The following NTM variants were observed in gnomAD, a reference collection of about 807,000 sequenced individuals.
NTM encodes the protein IgLON family member 2.
A neutral mutation model predicts 42.1 loss-of-function variants in NTM; 13 were observed. That is an observed-to-expected ratio of 0.31 (90% CI 0.20 to 0.49). NTM has a LOEUF of 0.49. NTM is among the 20% of genes least tolerant of loss of function. The pLI, the probability that NTM is intolerant of heterozygous loss-of-function variation, is 0.99. For synonymous variants in NTM, 187 were observed against 179.2 expected, an observed-to-expected ratio of 1.04 and a Z score of -0.35; for missense variants, 373 against 452.8, an observed-to-expected ratio of 0.82 and a Z score of 1.60.
chr11:131,911,114 C>T, intron 1 of NTM: 2 of 1,212,312 alleles, frequency 1.6e-6, no homozygotes, highest in Non-Finnish European at 2.1e-6. Flanking sequence ...GCTTACTCCT[C>T]TCCAAAGTGC....
intron 1 of NTM, among the ~76,000 whole-genome samples, chr11:131,704,091 G>C: frequency 6.6e-6 from 1 of 152,142 alleles, no homozygotes; most frequent in Non-Finnish European, 1.5e-5. Context: ...TTCCAAGCTG[G>C]TCTATATTGA....
At chr11:131,515,241 A>G (rs2048747258) in intron 1 of NTM, among the ~76,000 whole-genome samples, 1 of 151,938 alleles carries the variant, frequency 6.6e-6, no homozygotes, top group Non-Finnish European at 1.5e-5. Flanking sequence ...CTGGATTTGT[A>G]CCAAGAATCA....
At chr11:132,164,971 C>T (rs949314691) in intron 3 of NTM, among the ~76,000 whole-genome samples, 23 of 152,102 alleles carry the variant, frequency 1.5e-4, no homozygotes, top group Admixed American at 3.3e-4. Flanking sequence ...TCTGTCTAGA[C>T]GGCTGTTTTA....
At chr11:131,521,381 G>A (rs2049660455) in intron 1 of NTM, among the ~76,000 whole-genome samples, 1 of 103,386 alleles carries the variant, frequency 9.7e-6, no homozygotes, top group African/African-American at 3.5e-5. Flanking sequence ...CAAGGTGCCA[G>A]TCTTTTTTTT....
intron 1 of NTM, among the ~76,000 whole-genome samples, chr11:131,845,535 GC>G (rs1462342475): frequency 6.6e-6 from 1 of 151,882 alleles, no homozygotes; most frequent in African/African-American, 2.4e-5. Context: ...TAACCAGAGA[GC>G]CGGGGGAACA....
intron 1 of NTM, among the ~76,000 whole-genome samples, chr11:131,802,502 C>T (rs560948337): frequency 1.3e-5 from 2 of 152,344 alleles, no homozygotes; most frequent in South Asian, 4.1e-4. Flanking sequence ...GAGCAGCACC[C>T]TCTGTGGGAG....
intron 1 of NTM, among the ~76,000 whole-genome samples, chr11:131,554,961 CA>C (rs1279294220): frequency 6.6e-6 from 1 of 152,104 alleles, no homozygotes; most frequent in Non-Finnish European, 1.5e-5. Flanking sequence ...ATAAGCAAAA[CA>C]AAAGACCTTA....
intron 1 of NTM, among the ~76,000 whole-genome samples, chr11:131,399,338 T>C (rs1591559207): frequency 6.6e-6 from 1 of 152,180 alleles, no homozygotes; most frequent in South Asian, 2.1e-4. Flanking sequence ...GCTGGAATAG[T>C]CCTGCAGTGA....
chr11:132,265,688 T>C (rs749854386), intron 4 of NTM, among the ~76,000 whole-genome samples: 2 of 152,218 alleles, frequency 1.3e-5, no homozygotes, highest in Non-Finnish European at 2.9e-5. Flanking sequence ...ATGATCATTG[T>C]GATGGTGATG....
rs2060055162 is a variant in NTM at position 131,598,705 on chromosome 11, TTCTTTC to T, written c.82+227819_82+227824del. Reference sequence around the variant, plus strand: ...TTGTTTTCTTTCTTTCTTTCTTTCTTTCTTTCTTTCTTTCTTTCTTTCTTTCTTTCT... The same window carrying T: ...TTGTTTTCTTTCTTTCTTTCTTTCTTTTTCTTTCTTTCTTTCTTTCTTTCT... On this transcript the variant is annotated intron_variant, in intron 1 of 8. Coordinates refer to ENST00000683400, the MANE Select transcript of NTM (RefSeq NM_001352005.2). 4.8e-5 allele frequency among the ~76,000 whole-genome samples: 2 copies of T among 41,868 alleles called. 1 individual carries two copies. Among genetic ancestry groups the T allele is most frequent in the Non-Finnish European group, 1.4e-4 (2 of 14,196 alleles). The allele number at this position is 41,868 out of a possible 152,430, so 27.5% of individuals were successfully genotyped here. A position where few individuals can be genotyped will look rare whatever the true frequency, so the allele number is the denominator to read the frequency against.
intron 8 of NTM, chr11:132,332,901 T>G (rs2095827026): frequency 6.6e-6 from 1 of 152,254 alleles, no homozygotes; most frequent in Non-Finnish European, 1.5e-5. Context: ...GAAGCGGCAC[T>G]TGTTTTCCAT....
intron 2 of NTM, among the ~76,000 whole-genome samples, chr11:132,032,664 G>A (rs1170481104): frequency 6.6e-6 from 1 of 152,004 alleles, no homozygotes; most frequent in Non-Finnish European, 1.5e-5. Flanking sequence ...GTCTTATAAT[G>A]CTCTAGAGTG....
chr11:131,470,518 T>C (rs1289296852), intron 1 of NTM, among the ~76,000 whole-genome samples: 1 of 152,232 alleles, frequency 6.6e-6, no homozygotes, highest in Non-Finnish European at 1.5e-5. Flanking sequence ...ACGTTGCTAC[T>C]GTCTTGAAGG....
intron 2 of NTM, among the ~76,000 whole-genome samples, chr11:132,046,503 A>G (rs530421925): frequency 6.6e-6 from 1 of 152,322 alleles, no homozygotes; most frequent in African/African-American, 2.4e-5. Context: ...TAAGCCTTTC[A>G]TATGACCTAA....
At chr11:131,933,208 CCTGGT>C (rs781500465) in intron 2 of NTM, among the ~76,000 whole-genome samples, 3 of 152,316 alleles carry the variant, frequency 2.0e-5, no homozygotes, top group Non-Finnish European at 2.9e-5. Context: ...CCAATTGGCT[CCTGGT>C]CCTGGGACTG....
chr11:131,661,772 C>T (rs1448991668), intron 1 of NTM, among the ~76,000 whole-genome samples: 1 of 151,952 alleles, frequency 6.6e-6, no homozygotes, highest in Non-Finnish European at 1.5e-5. Context: ...TTTTTTTCCC[C>T]CTGTGAGTTG....
chr11:132,237,722 G>A (rs1219759336), intron 4 of NTM, among the ~76,000 whole-genome samples: 1 of 152,182 alleles, frequency 6.6e-6, no homozygotes, highest in Non-Finnish European at 1.5e-5. Context: ...CAGAAGCAGG[G>A]CAAGTAAAAG....
At chr11:132,255,817 C>G (rs889992664) in intron 4 of NTM, among the ~76,000 whole-genome samples, 2 of 152,100 alleles carry the variant, frequency 1.3e-5, no homozygotes, top group Non-Finnish European at 2.9e-5. Context: ...GTCAGCCTCC[C>G]CCTTCCCTGC....
chr11:132,236,771 G>T (rs2089012961), intron 4 of NTM, among the ~76,000 whole-genome samples: 1 of 152,192 alleles, frequency 6.6e-6, no homozygotes, highest in African/African-American at 2.4e-5. Context: ...CTCACCCGTG[G>T]CAGTCTAATC....
Sources: gnomAD v4.1 joint callset for allele counts (sites outside exome capture counted in the v4.1 genomes callset) on GRCh38, gnomAD v4.1.1 for gene constraint, MANE v1.5 for transcripts, NCBI Gene and HGNC (gene_info 2026-07-23, HGNC 2026-07-21) for gene names.